Variants in SULF2 observed in about 807,000 individuals in gnomAD.
SULF2 encodes the protein extracellular sulfatase Sulf-2.
A neutral mutation model predicts 107.7 loss-of-function variants in SULF2; 52 were observed. The observed-to-expected ratio is 0.48, with a 90% CI of 0.39 to 0.61. The LOEUF (loss-of-function observed/expected upper bound fraction) is 0.61. Ranked by LOEUF, SULF2 falls within the 20% of genes least tolerant of loss-of-function variation. SULF2 has a pLI of 0.00. For missense variants in SULF2, 993 were observed against 1,177.3 expected, an observed-to-expected ratio of 0.84 and a Z score of 2.29; for synonymous variants, 460 against 464.3, an observed-to-expected ratio of 0.99 and a Z score of 0.12.
intron 1 of SULF2, among the ~76,000 whole-genome samples, chr20:47,767,723 C>T (rs577873879): frequency 1.6e-4 from 25 of 152,136 alleles, no homozygotes; most frequent in Middle Eastern, 3.4e-3. Flanking sequence ...TGCAGTGAGC[C>T]GAGATTGCGC....
chr20:47,658,262 C>T lies in SULF2; in HGVS notation c.*100G>A. 7.7e-7 allele frequency: 1 copy of T among 1,296,788 alleles called. No homozygotes were observed. The highest frequency in any genetic ancestry group is 1.1e-6 in the Non-Finnish European group (1 of 890,850). The allele number at this position is 1,296,788 out of a possible 1,614,324, so 80.3% of individuals were successfully genotyped here. ...GTGCTTGCTTTCTCAGGCCTCCTGGCCAATACCACAGGTCTGCTGGAAATC... is the reference window on the plus strand; with the variant it reads ...GTGCTTGCTTTCTCAGGCCTCCTGGTCAATACCACAGGTCTGCTGGAAATC... On this transcript the variant is annotated 3_prime_UTR_variant, in exon 21 of 21. Transcript: ENST00000688720.
chr20:47,662,488 T>G (rs929781080), intron 17 of SULF2, among the ~76,000 whole-genome samples: 1 of 152,236 alleles, frequency 6.6e-6, no homozygotes, highest in Non-Finnish European at 1.5e-5. Flanking sequence ...GGTCAAAGCC[T>G]GGGCAATACC....
rs1462517753 is a variant in SULF2, at chr20:47,718,548, TCA to T, written c.416-15880_416-15879del. Among the ~76,000 whole-genome samples, 6 of 152,314 alleles carry T rather than the reference TCA, an allele frequency of 3.9e-5. No homozygotes were observed. In the East Asian group the frequency reaches 5.8e-4, roughly 15 times the overall value. On this transcript the variant is annotated intron_variant, in intron 3 of 20. Coordinates refer to ENST00000688720, the MANE Select transcript of SULF2 (RefSeq NM_001387048.1). ...AGGGAACTGGAATGTTTGGAGACTC[TCA>T]CAGTCATTCAGGAGACAGACTGTGA... is the stretch of plus-strand genomic sequence containing the variant.
chr20:47,716,871 G>A (rs893144497), intron 3 of SULF2, among the ~76,000 whole-genome samples: 5 of 152,190 alleles, frequency 3.3e-5, no homozygotes, highest in African/African-American at 7.2e-5. Flanking sequence ...ATAGCCAGTC[G>A]TGGTGGTGTG....
At chr20:47,730,500 G>T (rs543719297) in intron 3 of SULF2, among the ~76,000 whole-genome samples, 1 of 152,138 alleles carries the variant, frequency 6.6e-6, no homozygotes, top group Non-Finnish European at 1.5e-5. Flanking sequence ...CACCAGGCTG[G>T]AGTGCAGTGG....
chr20:47,701,393 G>A (rs534330120), intron 4 of SULF2, among the ~76,000 whole-genome samples: 4 of 152,202 alleles, frequency 2.6e-5, no homozygotes, highest in Admixed American at 6.5e-5. Context: ...AGATGCACAC[G>A]TATGTGAAAA....
chr20:47,662,768 T>C (rs1385004272), intron 17 of SULF2, among the ~76,000 whole-genome samples: 1 of 142,950 alleles, frequency 7.0e-6, no homozygotes, highest in Non-Finnish European at 1.6e-5. Flanking sequence ...AGCCTGACAG[T>C]GTTAGGAGTC....
chr20:47,694,030 G>A lies in SULF2; in HGVS notation c.568-3735C>T, dbSNP rs1010389522. 6.6e-6 allele frequency among the ~76,000 whole-genome samples: 1 copy of A among 152,162 alleles called. No individual in the cohort carries two copies. The highest frequency in any genetic ancestry group is 2.4e-5 in the African/African-American group (1 of 41,434). On this transcript the variant is annotated intron_variant, in intron 4 of 20. Coordinates refer to ENST00000688720, the MANE Select transcript of SULF2 (RefSeq NM_001387048.1). The surrounding 1 kb of genome is among the most constrained non-coding windows in gnomAD (Gnocchi z 4.4). ...CCCTCCTTATCCATCCTCCTCAGTGGCCACTCCTCGGCTAAGTCTTCCCCG... is the reference window on the plus strand; with the variant it reads ...CCCTCCTTATCCATCCTCCTCAGTGACCACTCCTCGGCTAAGTCTTCCCCG...
chr20:47,749,604 G>A (rs1443153923), intron 2 of SULF2, among the ~76,000 whole-genome samples: 2 of 152,254 alleles, frequency 1.3e-5, no homozygotes, highest in African/African-American at 2.4e-5. Context: ...GAGTACTTGA[G>A]CCTGCGATTT....
chr20:47,659,377 G>A (rs1419032018), intron 20 of SULF2, 22 bp downstream of exon 20: 1 of 1,612,750 alleles, frequency 6.2e-7, no homozygotes, highest in African/African-American at 1.3e-5. Context: ...ATTTCTATTT[G>A]TAAGCTGGTT....
chr20:47,684,638 G>T, intron 5 of SULF2, 57 bp from the exon 6 acceptor site: 7 of 1,576,620 alleles, frequency 4.4e-6, no homozygotes, highest in Non-Finnish European at 6.0e-6. Context: ...GACCCTGCCT[G>T]GCCCCCGCCA....
chr20:47,745,402 AAAAAAAAAATATATATATATATATAT>A (rs2089998572), intron 2 of SULF2, among the ~76,000 whole-genome samples: 2 of 26,862 alleles, frequency 7.4e-5, no homozygotes, highest in Admixed American at 6.1e-4. Flanking sequence ...AAAAAAAAAA[AAAAAAAAAATATATATATATATATAT>A]ATATATATAT....
chr20:47,732,014 G>C (rs1408032649), intron 3 of SULF2, among the ~76,000 whole-genome samples: 1 of 152,194 alleles, frequency 6.6e-6, no homozygotes, highest in Non-Finnish European at 1.5e-5. Context: ...GCTGTGTGAT[G>C]TTGTGCTATT....
intron 2 of SULF2, among the ~76,000 whole-genome samples, chr20:47,755,063 C>G (rs1279521016): frequency 6.6e-6 from 1 of 152,120 alleles, no homozygotes; most frequent in Admixed American, 6.6e-5. Context: ...GTCTCGAACT[C>G]CTGGCCTCAA....
At chr20:47,704,535 G>T (rs574779319) in intron 3 of SULF2, among the ~76,000 whole-genome samples, 11 of 152,258 alleles carry the variant, frequency 7.2e-5, no homozygotes, top group Admixed American at 6.5e-4. Context: ...AGCCTCCCAA[G>T]GTGCTGAGAT....
chr20:47,674,202 C>G (rs1485627389), intron 10 of SULF2, among the ~76,000 whole-genome samples: 1 of 152,274 alleles, frequency 6.6e-6, no homozygotes, highest in East Asian at 1.9e-4. Context: ...GCTGCCCCTG[C>G]AACTACTCAT....
At chr20:47,705,289 G>A (rs1446063986) in intron 3 of SULF2, among the ~76,000 whole-genome samples, 1 of 152,202 alleles carries the variant, frequency 6.6e-6, no homozygotes, top group East Asian at 1.9e-4. Flanking sequence ...TGTGTGGGAG[G>A]ATGGAGCAAA....
chr20:47,664,000 AGGG>A (rs1186524383), intron 15 of SULF2, 127 bp downstream of exon 15: 1 of 981,330 alleles, frequency 1.0e-6, no homozygotes, highest in Non-Finnish European at 1.5e-6. Context: ...GGCCTCTTCG[AGGG>A]CTACCGTGGA....
At chr20:47,753,098 C>CAAAAAAAAAAAAAAAA (rs10578438) in intron 2 of SULF2, among the ~76,000 whole-genome samples, 2 of 90,686 alleles carry the variant, frequency 2.2e-5, no homozygotes, top group East Asian at 2.9e-4. Flanking sequence ...GAGACTCTCT[C>CAAAAAAAAAAAAAAAA]AAAAAAAAAA....
Sources: allele counts gnomAD v4.1 joint callset (sites outside exome capture counted in the v4.1 genomes callset), GRCh38; gene constraint gnomAD v4.1.1; non-coding constraint Gnocchi (gnomAD v3.1); transcripts MANE v1.5; gene names NCBI Gene and HGNC (gene_info 2026-07-23, HGNC 2026-07-21).